The following ZNF407 variants were observed in gnomAD, a reference collection of about 807,000 sequenced individuals.
ZNF407 encodes zinc finger protein 407.
Under a neutral mutation model 131.2 loss-of-function variants are expected in ZNF407, and 17 were observed. The observed-to-expected ratio is 0.13, with a 90% CI of 0.09 to 0.19. ZNF407 has a LOEUF of 0.19. ZNF407 is among the 10% of genes least tolerant of loss of function. ZNF407 has a pLI of 1.00. For synonymous variants in ZNF407, 1,156 were observed against 1,062.0 expected (o/e 1.09, Z -1.72); for missense variants, 2,681 against 2,830.6 (o/e 0.95, Z 1.20).
intron 8 of ZNF407, among the ~76,000 whole-genome samples, chr18:74,937,601 A>G (rs1599253768): frequency 1.3e-5 from 2 of 152,356 alleles, no homozygotes; most frequent in African/African-American, 4.8e-5. Flanking sequence ...GATTTATTGT[A>G]GGGATGAGAC....
intron 4 of ZNF407, among the ~76,000 whole-genome samples, chr18:74,793,793 C>T (rs768830409): frequency 8.5e-5 from 13 of 152,098 alleles, no homozygotes; most frequent in Non-Finnish European, 1.3e-4. Context: ...ACCATGTTGT[C>T]GGGAAGCATT....
intron 3 of ZNF407, among the ~76,000 whole-genome samples, chr18:74,660,122 A>C (rs1246055143): frequency 6.6e-6 from 1 of 152,148 alleles, no homozygotes; most frequent in Non-Finnish European, 1.5e-5. Flanking sequence ...AATCCAATAA[A>C]TATGTAGAGT....
intron 8 of ZNF407, among the ~76,000 whole-genome samples, chr18:75,002,395 A>G (rs1415213913): frequency 6.6e-6 from 1 of 152,128 alleles, no homozygotes; most frequent in Non-Finnish European, 1.5e-5. Context: ...GGAGGAGATG[A>G]GAAGGAAAGA....
At chr18:74,970,257 A>G (rs891006618) in intron 8 of ZNF407, among the ~76,000 whole-genome samples, 4 of 151,950 alleles carry the variant, frequency 2.6e-5, no homozygotes, top group African/African-American at 9.7e-5. Flanking sequence ...AAACCATATC[A>G]TTCCTCCCCT....
intron 8 of ZNF407, among the ~76,000 whole-genome samples, chr18:75,005,528 T>C (rs1972898236): frequency 6.6e-6 from 1 of 152,120 alleles, no homozygotes; most frequent in African/African-American, 2.4e-5. Flanking sequence ...TTCATTTCTA[T>C]TGAGATTGAA....
chr18:75,061,094 A>C (rs1973628075), intron 8 of ZNF407, among the ~76,000 whole-genome samples: 1 of 152,230 alleles, frequency 6.6e-6, no homozygotes, highest in Non-Finnish European at 1.5e-5. Flanking sequence ...GCAGAACACC[A>C]CCAACACGAT....
chr18:74,689,210 T>C (rs995576927), intron 3 of ZNF407, among the ~76,000 whole-genome samples: 1 of 152,242 alleles, frequency 6.6e-6, no homozygotes, highest in Non-Finnish European at 1.5e-5. Flanking sequence ...GCACATACTT[T>C]GTTCGATTTA....
intron 4 of ZNF407, among the ~76,000 whole-genome samples, chr18:74,817,945 C>T (rs559138147): frequency 2.0e-5 from 3 of 152,300 alleles, no homozygotes; most frequent in African/African-American, 7.2e-5. Context: ...TGCACTCTAG[C>T]GGCCCTTCAT....
At chr18:74,958,950 G>A (rs1046518416) in intron 8 of ZNF407, among the ~76,000 whole-genome samples, 3 of 152,112 alleles carry the variant, frequency 2.0e-5, no homozygotes, top group Admixed American at 1.3e-4. Context: ...ATGGAGAGGC[G>A]GAAGTTACTG....
chr18:74,781,392 G>A, intron 3 of ZNF407, 36 bp from the exon 4 acceptor site: 1 of 1,405,850 alleles, frequency 7.1e-7, no homozygotes, highest in South Asian at 1.3e-5. Flanking sequence ...GGAGAGTCAA[G>A]TTTTAGTTTT....
At chr18:75,027,255 A>G (rs530805612) in intron 8 of ZNF407, among the ~76,000 whole-genome samples, 1 of 152,328 alleles carries the variant, frequency 6.6e-6, no homozygotes, top group South Asian at 2.1e-4. Context: ...AGTGTGGCCA[A>G]AAGGAGGCAA....
At chr18:74,841,554 AT>A (rs1970633983) in intron 4 of ZNF407, among the ~76,000 whole-genome samples, 1 of 152,182 alleles carries the variant, frequency 6.6e-6, no homozygotes, top group Non-Finnish European at 1.5e-5. Context: ...TTTGCTATTT[AT>A]CACCTGTGTT....
chr18:75,054,305 A>T (rs1041608196), intron 8 of ZNF407, among the ~76,000 whole-genome samples: 18 of 152,346 alleles, frequency 1.2e-4, no homozygotes, highest in African/African-American at 4.1e-4. Flanking sequence ...GATTTTAATG[A>T]TGCCTCTGTG....
intron 1 of ZNF407, among the ~76,000 whole-genome samples, chr18:74,628,400 T>G (rs1335719569): frequency 1.3e-5 from 2 of 152,140 alleles, no homozygotes; most frequent in African/African-American, 4.8e-5. Flanking sequence ...TCATTCTCCA[T>G]TCTGCCTGCC....
At chr18:74,841,285 T>C (rs929863729) in intron 4 of ZNF407, among the ~76,000 whole-genome samples, 1 of 152,234 alleles carries the variant, frequency 6.6e-6, no homozygotes, top group Non-Finnish European at 1.5e-5. Context: ...ACCATAGGAA[T>C]GAGCAAGCCC....
At chr18:74,675,165 G>A (rs1329218352) in intron 3 of ZNF407, among the ~76,000 whole-genome samples, 2 of 152,108 alleles carry the variant, frequency 1.3e-5, no homozygotes, top group African/African-American at 2.4e-5. Flanking sequence ...TGCCTGAGGG[G>A]CCTTTATACT....
chr18:75,012,549 G>A (rs1972991996), intron 8 of ZNF407, among the ~76,000 whole-genome samples: 1 of 152,020 alleles, frequency 6.6e-6, no homozygotes, highest in Non-Finnish European at 1.5e-5. Context: ...TCAAATAAAA[G>A]CATTTTTTTC....
intron 8 of ZNF407, among the ~76,000 whole-genome samples, chr18:75,010,118 G>A (rs536304404): frequency 1.3e-5 from 2 of 152,250 alleles, no homozygotes; most frequent in East Asian, 1.9e-4. Flanking sequence ...TGAAAATCAC[G>A]CTAGTAGTCA....
Position 74,723,620 on chromosome 18 carries a change from C to T in ZNF407, c.4803-57808C>T, listed in dbSNP as rs769741607. 7.9e-5 allele frequency among the ~76,000 whole-genome samples: 12 copies of T among 152,126 alleles called. 1 individual carries two copies. Among genetic ancestry groups the T allele is most frequent in the South Asian group, 6.2e-4 (3 of 4,822 alleles). ...CCAGAATCAGGGCTCCTTTGGCTCTCCTTTATGGCTCTCTTTTACTTCTTA... is the reference window on the plus strand; with the variant it reads ...CCAGAATCAGGGCTCCTTTGGCTCTTCTTTATGGCTCTCTTTTACTTCTTA... On this transcript the variant is annotated intron_variant, in intron 3 of 8. Coordinates refer to ENST00000299687, the MANE Select transcript of ZNF407 (RefSeq NM_017757.3).
Sources: allele counts gnomAD v4.1 joint callset (sites outside exome capture counted in the v4.1 genomes callset), GRCh38; gene constraint gnomAD v4.1.1; transcripts MANE v1.5; gene names NCBI Gene and HGNC (gene_info 2026-07-23, HGNC 2026-07-21).